Variants in AP3S2 observed in about 807,000 individuals in gnomAD.
AP3S2 encodes AP-3 complex subunit sigma-2.
A neutral mutation model predicts 23.4 loss-of-function variants in AP3S2; 22 were observed. The ratio of observed to expected loss-of-function variants is 0.94; its 90% CI spans 0.67 to 1.34. The LOEUF (loss-of-function observed/expected upper bound fraction) is 1.34, where lower values mean the gene tolerates loss of function less well. Ranked by LOEUF, AP3S2 falls within the 40% of genes most tolerant of loss-of-function variation. The probability of loss-of-function intolerance (pLI) is 0.00; values close to 1 mark genes in which losing one functional copy is unlikely to be tolerated. For synonymous variants in AP3S2, 86 were observed against 87.1 expected (o/e 0.99, Z 0.07); for missense variants, 241 against 236.9 (o/e 1.02, Z -0.11).
intron 4 of AP3S2, among the ~76,000 whole-genome samples, chr15:89,851,121 G>A (rs1200006748): frequency 6.6e-6 from 1 of 152,172 alleles, no homozygotes; most frequent in Non-Finnish European, 1.5e-5. Context: ...TGTCCTTAAA[G>A]AGCTTAGAAT....
In AP3S2 at chr15:89,835,239, T is replaced by C; in HGVS notation, c.*276A>G. On this transcript the variant is annotated 3_prime_UTR_variant, in exon 6 of 6. Coordinates refer to ENST00000336418, the MANE Select transcript of AP3S2 (RefSeq NM_005829.5). ...AAAGGTGCAAATGACTTGGGCATGT[T>C]GACTCCCTACTGAGGAAGGCAGGGC... 1 of 513,650 alleles carries C rather than the reference T, an allele frequency of 1.9e-6. No homozygotes were observed. The allele number at this position is 513,650 out of a possible 1,614,324, so 31.8% of individuals were successfully genotyped here.
chr15:89,869,433 C>CGGAGG (rs1268164009), intron 4 of AP3S2, among the ~76,000 whole-genome samples: 1 of 147,768 alleles, frequency 6.8e-6, no homozygotes, highest in African/African-American at 2.5e-5. Context: ...ACAAACACTG[C>CGGAGG]GGAAGGCCGC....
intron 4 of AP3S2, among the ~76,000 whole-genome samples, chr15:89,858,122 A>G (rs1054523751): frequency 1.3e-5 from 2 of 152,098 alleles, no homozygotes; most frequent in South Asian, 4.1e-4. Flanking sequence ...AGCCTGGAAA[A>G]GGGTTCTTAG....
chr15:89,865,269 C>T (rs536370203), intron 4 of AP3S2, among the ~76,000 whole-genome samples: 4 of 152,012 alleles, frequency 2.6e-5, no homozygotes, highest in African/African-American at 9.7e-5. Context: ...TATATTAGCA[C>T]TGGCTCCTAA....
At chr15:89,863,260 T>C (rs1036875424) in intron 4 of AP3S2, among the ~76,000 whole-genome samples, 3 of 152,084 alleles carry the variant, frequency 2.0e-5, no homozygotes, top group African/African-American at 4.8e-5. Context: ...ACAGAGAAAG[T>C]AGAATTAAAG....
At chr15:89,881,677 G>A (rs943419986) in intron 3 of AP3S2, among the ~76,000 whole-genome samples, 1 of 151,986 alleles carries the variant, frequency 6.6e-6, no homozygotes, top group Non-Finnish European at 1.5e-5. Flanking sequence ...ACCCACACGT[G>A]GAAAAAGGAA....
At chr15:89,844,253 TTCTTTCTTTCTTTCTTTCTCTC>T (rs1399781616) in intron 4 of AP3S2, among the ~76,000 whole-genome samples, 13 of 52,456 alleles carry the variant, frequency 2.5e-4, no homozygotes, top group Admixed American at 7.0e-4. Context: ...CTTTCTTTCT[TTCTTTCTTTCTTTCTTTCTCTC>T]TCTCTCTCTT....
chr15:89,847,667 A>G (rs892130763), intron 4 of AP3S2, among the ~76,000 whole-genome samples: 19 of 152,282 alleles, frequency 1.2e-4, no homozygotes, highest in Non-Finnish European at 2.1e-4. Context: ...AAACAGACTG[A>G]TCTGGTACCT....
intron 3 of AP3S2, chr15:89,878,261 A>C (rs1354968873): frequency 1.5e-6 from 1 of 656,254 alleles, no homozygotes; most frequent in Non-Finnish European, 2.7e-6. Flanking sequence ...GAATATTTTC[A>C]TACCTTGGGA....
At chr15:89,851,632 C>T (rs1439305192) in intron 4 of AP3S2, among the ~76,000 whole-genome samples, 2 of 152,132 alleles carry the variant, frequency 1.3e-5, no homozygotes, top group Non-Finnish European at 2.9e-5. Context: ...CCACCGCGCC[C>T]AACTCAACTT....
At chr15:89,849,696 ATACTT>A (rs1481254798) in intron 4 of AP3S2, among the ~76,000 whole-genome samples, 2 of 152,146 alleles carry the variant, frequency 1.3e-5, no homozygotes, top group Non-Finnish European at 2.9e-5. Flanking sequence ...AAAAAAAATT[ATACTT>A]TAAGTTCTGG....
At chr15:89,882,589 C>T (rs922675873) in intron 3 of AP3S2, among the ~76,000 whole-genome samples, 3 of 152,106 alleles carry the variant, frequency 2.0e-5, no homozygotes, top group African/African-American at 7.2e-5. Flanking sequence ...AGTCTCCTGA[C>T]CTCAAGTGAT....
intron 4 of AP3S2, among the ~76,000 whole-genome samples, chr15:89,867,001 T>TCTCCCC (rs1896142627): frequency 1.9e-5 from 1 of 52,110 alleles, no homozygotes; most frequent in African/African-American, 8.7e-5. Context: ...TCCCTCTCCC[T>TCTCCCC]CTCCCCCTAC....
At chr15:89,851,479 C>T (rs1895652946) in intron 4 of AP3S2, among the ~76,000 whole-genome samples, 1 of 152,168 alleles carries the variant, frequency 6.6e-6, no homozygotes, top group South Asian at 2.1e-4. Flanking sequence ...ACTATGATTA[C>T]AGGCATGTGC....
Position 89,835,185 on chromosome 15 carries a change from T to C in AP3S2, c.*330A>G. On this transcript the variant is annotated 3_prime_UTR_variant, in exon 6 of 6. Transcript: ENST00000336418. The stretch of plus-strand genomic sequence containing the variant: ...AGGTGGGCCTGCTCAATGCAGTCCC[T>C]AACCCTTGGGAGCATCCATGTGAGA... The C allele has an allele frequency of 2.4e-6, 1 of 415,098 alleles. No homozygotes were observed. Among genetic ancestry groups the C allele is most frequent in the Non-Finnish European group, 4.3e-6 (1 of 234,106 alleles). 25.7% of individuals were successfully genotyped at this position (415,098 alleles called of 1,614,324 possible).
At chr15:89,890,623 G>C (rs531193001) in intron 1 of AP3S2, among the ~76,000 whole-genome samples, 1 of 152,326 alleles carries the variant, frequency 6.6e-6, no homozygotes, top group African/African-American at 2.4e-5. Context: ...TGCAAGTCTA[G>C]TAAGCACCCA....
intron 3 of AP3S2, among the ~76,000 whole-genome samples, chr15:89,873,973 C>T (rs765625712): frequency 2.7e-5 from 4 of 148,698 alleles, no homozygotes; most frequent in Non-Finnish European, 3.0e-5. Context: ...CTCAGCCTCC[C>T]GGGTGCAGGT....
intron 3 of AP3S2, among the ~76,000 whole-genome samples, chr15:89,884,287 T>C (rs1389641784): frequency 1.3e-5 from 2 of 152,208 alleles, no homozygotes; most frequent in Non-Finnish European, 2.9e-5. Flanking sequence ...TTTGTTATAC[T>C]GACTTGCATT....
chr15:89,866,900 T>A (rs1896137567), intron 4 of AP3S2, among the ~76,000 whole-genome samples: 1 of 152,004 alleles, frequency 6.6e-6, no homozygotes, highest in Non-Finnish European at 1.5e-5. Context: ...AGGAGGTGGG[T>A]GATGGGAGTC....
Sources: allele counts gnomAD v4.1 joint callset (sites outside exome capture counted in the v4.1 genomes callset), GRCh38; gene constraint gnomAD v4.1.1; transcripts MANE v1.5; gene names NCBI Gene and HGNC (gene_info 2026-07-23, HGNC 2026-07-21).